PRCC: variants seen among roughly 807,000 people sequenced by gnomAD.
PRCC encodes proline rich mitotic checkpoint control factor.
Under a neutral mutation model 44.0 loss-of-function variants are expected in PRCC, and 10 were observed. That is an observed-to-expected ratio of 0.23 (90% confidence interval 0.14 to 0.39). PRCC has a LOEUF of 0.39. PRCC is among the 10% of genes least tolerant of loss of function. The probability of loss-of-function intolerance (pLI) is 1.00; values close to 1 mark genes in which losing one functional copy is unlikely to be tolerated. For synonymous variants in PRCC, 278 were observed against 259.5 expected, an observed-to-expected ratio of 1.07 and a Z score of -0.69; for missense variants, 573 against 624.7, an observed-to-expected ratio of 0.92 and a Z score of 0.88.
intron 6 of PRCC, 47 bp from the exon 7 acceptor site, chr1:156,800,327 C>T (rs1415986402): frequency 1.3e-6 from 2 of 1,581,256 alleles, no homozygotes; most frequent in East Asian, 2.2e-5. Context: ...GACAGCGTTT[C>T]TCAGAATTCC....
At position 156,779,058 on chromosome 1, in the gene PRCC, CA is replaced by C. The variant is rs1651931536; in HGVS notation, c.469-3221del. On this transcript the variant is annotated intron_variant, in intron 1 of 6. Transcript: ENST00000271526. ...CAGGTGTTCCCCCGCCTCAGCCTCC[CA>C]AAGTGCTGGGATTACAGGCATGAGC... Among the ~76,000 whole-genome samples the C allele has an allele frequency of 3.0e-5, 4 of 135,276 alleles. No individual in the cohort carries two copies. In the Admixed American group the frequency reaches 3.1e-4, roughly 10 times the overall value. 88.7% of individuals were successfully genotyped at this position (135,276 alleles called of 152,430 possible).
intron 1 of PRCC, among the ~76,000 whole-genome samples, chr1:156,775,031 G>A (rs1449338496): frequency 4.0e-5 from 6 of 151,402 alleles, no homozygotes; most frequent in Admixed American, 6.6e-5. Context: ...GGCGGATCAC[G>A]AGGTCAGGAG....
At position 156,800,421 on chromosome 1, in the gene PRCC, G is replaced by A. The variant is rs1652796581; in HGVS notation, c.1437G>A (p.Lys479=). The part of the protein sequence containing the change: ...LELKNTWSEN[K]LSRRQTQAKY... The stretch of plus-strand genomic sequence containing the variant: ...TGAAGAACACCTGGTCAGAGAACAA[G>A]CTCAGCCGCCGTCAGACCCAAGCCA... The change falls in exon 7 of 7, where the codon AAG becomes AAA. Residue 479 remains lysine (K), a synonymous_variant. Coordinates refer to ENST00000271526, the MANE Select transcript of PRCC (RefSeq NM_005973.5). 6.2e-6 allele frequency: 10 copies of A among 1,614,162 alleles called. No homozygotes were observed. The highest frequency in any genetic ancestry group is 8.5e-6 in the Non-Finnish European group (10 of 1,180,020).
chr1:156,791,144 C>T lies in PRCC; in HGVS notation c.1084-553C>T, dbSNP rs752381494. ...TGAACTCAAAATCTGGTAAACGAAC[C>T]TGCTTTGTTCCCAGCTTTGTAAGTT... On this transcript the variant is annotated intron_variant, in intron 3 of 6. Coordinates refer to ENST00000271526, the MANE Select transcript of PRCC (RefSeq NM_005973.5). 1.1e-5 allele frequency: 15 copies of T among 1,418,518 alleles called. No individual in the cohort carries two copies. In the African/African-American group the frequency reaches 1.7e-4, roughly 16 times the overall value. The allele number at this position is 1,418,518 out of a possible 1,614,324, so 87.9% of individuals were successfully genotyped here.
chr1:156,771,167 G>A (rs543896068), intron 1 of PRCC, among the ~76,000 whole-genome samples: 1 of 152,294 alleles, frequency 6.6e-6, no homozygotes, highest in Non-Finnish European at 1.5e-5. Flanking sequence ...AAAGCTTGGA[G>A]GACAGAGAGG....
intron 4 of PRCC, among the ~76,000 whole-genome samples, 172 bp from the exon 5 acceptor site, chr1:156,794,487 GTAGCCT>G (rs931623990): frequency 2.2e-4 from 34 of 152,292 alleles, no homozygotes; most frequent in African/African-American, 6.7e-4. Context: ...CTGAGTAGAA[GTAGCCT>G]TTCATCTGGC....
At chr1:156,795,689 C>T (rs142246936) in intron 5 of PRCC, 29 of 152,322 alleles carry the variant, frequency 1.9e-4, no homozygotes, top group African/African-American at 6.0e-4. Context: ...TCTGAGCATG[C>T]AACTCTTCTG....
chr1:156,793,320 C>T (rs1378459093), intron 4 of PRCC, among the ~76,000 whole-genome samples: 1 of 152,134 alleles, frequency 6.6e-6, no homozygotes, highest in Non-Finnish European at 1.5e-5. Context: ...TATAGAAGGC[C>T]TCACTAATGT....
chr1:156,767,729 G>C lies in PRCC; in HGVS notation c.-43G>C. On this transcript the variant is annotated 5_prime_UTR_variant, in exon 1 of 7. Transcript: ENST00000271526. ...CTCCGGGCATCCCCGGTCTCAAGTA[G>C]GCCTCATCTGCCGGCAAGGGCGCCC... 6.5e-7 allele frequency: 1 copy of C among 1,539,500 alleles called. No individual in the cohort carries two copies. The highest frequency in any genetic ancestry group is 8.8e-7 in the Non-Finnish European group (1 of 1,141,846).
intron 1 of PRCC, among the ~76,000 whole-genome samples, chr1:156,782,015 C>A (rs908828628): frequency 6.6e-6 from 1 of 152,120 alleles, no homozygotes; most frequent in Admixed American, 6.6e-5. Context: ...GAAATTGATG[C>A]CAAAAAGGCT....
At chr1:156,798,953 T>C (rs1652756690) in intron 6 of PRCC, among the ~76,000 whole-genome samples, 1 of 152,072 alleles carries the variant, frequency 6.6e-6, no homozygotes, top group Non-Finnish European at 1.5e-5. Flanking sequence ...GCAGCTCCCG[T>C]GGAAATGATT....
intron 4 of PRCC, among the ~76,000 whole-genome samples, chr1:156,792,053 CTTTTTTTTTTTTTTT>C (rs67388360): frequency 1.7e-5 from 1 of 58,448 alleles, no homozygotes; most frequent in East Asian, 9.1e-4. Context: ...TAGTCCCCTT[CTTTTTTTTTTTTTTT>C]TTTTTTTTTT....
At chr1:156,772,729 A>G (rs1242651665) in intron 1 of PRCC, among the ~76,000 whole-genome samples, 1 of 152,264 alleles carries the variant, frequency 6.6e-6, no homozygotes, top group Admixed American at 6.5e-5. Flanking sequence ...TGTCACTTCT[A>G]GTAACCAAAT....
At chr1:156,768,339 C>T in intron 1 of PRCC, 100 bp downstream of exon 1, 1 of 1,256,760 alleles carries the variant, frequency 8.0e-7, no homozygotes, top group South Asian at 1.3e-5. Context: ...ACAAACGCAT[C>T]CGTGGATTCA....
Position 156,768,173 on chromosome 1 carries a change from G to T in PRCC, c.402G>T (p.Gly134=). 1 of 1,552,602 alleles carries T rather than the reference G, an allele frequency of 6.4e-7. No individual in the cohort carries two copies. The change falls in exon 1 of 7, where the codon GGG becomes GGT. Residue 134 remains glycine (G), a synonymous_variant. Transcript: ENST00000271526. The part of the protein sequence containing the change: ...PPIGGAGPPL[G]LPKPKKRKEP... ...TTGGCGGTGCCGGTCCCCCGCTGGG[G>T]CTTCCCAAGCCAAAGAAGAGGAAAG... is the stretch of plus-strand genomic sequence containing the variant.
intron 4 of PRCC, 102 bp downstream of exon 4, chr1:156,791,894 A>C: frequency 2.8e-6 from 3 of 1,064,168 alleles, no homozygotes; most frequent in Non-Finnish European, 4.2e-6. Context: ...CAAAAGACAA[A>C]ACTGTATCAG....
intron 1 of PRCC, among the ~76,000 whole-genome samples, chr1:156,780,260 T>A (rs1558048830): frequency 1.3e-5 from 2 of 151,668 alleles, no homozygotes; most frequent in South Asian, 4.2e-4. Context: ...GGTTTTACCA[T>A]GTTGTCTGGG....
intron 3 of PRCC, chr1:156,791,403 A>T: frequency 2.1e-6 from 1 of 480,090 alleles, no homozygotes; most frequent in Non-Finnish European, 3.8e-6. Flanking sequence ...GAAGTAGCTG[A>T]GGGAGCAAGG....
intron 4 of PRCC, among the ~76,000 whole-genome samples, chr1:156,792,191 A>G (rs12044598): frequency 0.96 from 145,894 of 151,426 alleles, 70,500 homozygotes; most frequent in East Asian, 1. Flanking sequence ...ATGATTTACC[A>G]TGCCTGGCTT....
Sources: gnomAD v4.1 joint callset for allele counts (sites outside exome capture counted in the v4.1 genomes callset) on GRCh38, gnomAD v4.1.1 for gene constraint, MANE v1.5 for transcripts, NCBI Gene and HGNC (gene_info 2026-07-23, HGNC 2026-07-21) for gene names.